Variants in CNOT2 observed in about 807,000 individuals in gnomAD.
The protein encoded by CNOT2 is CCR4-NOT transcription complex subunit 2.
Under a neutral mutation model 72.1 loss-of-function variants are expected in CNOT2, and 7 were observed. The ratio of observed to expected loss-of-function variants is 0.10; its 90% confidence interval spans 0.06 to 0.18. The LOEUF (loss-of-function observed/expected upper bound fraction) is 0.18, where lower values mean the gene tolerates loss of function less well. CNOT2 is among the 10% of genes least tolerant of loss of function. The probability of loss-of-function intolerance (pLI) is 1.00; values close to 1 mark genes in which losing one functional copy is unlikely to be tolerated. For synonymous variants in CNOT2, 196 were observed against 225.6 expected, an observed-to-expected ratio of 0.87 and a Z score of 1.17; for missense variants, 345 against 660.3, an observed-to-expected ratio of 0.52 and a Z score of 5.23.
intron 4 of CNOT2, chr12:70,321,755 A>T (rs1878336161): frequency 6.6e-6 from 1 of 151,506 alleles, no homozygotes; most frequent in Non-Finnish European, 1.5e-5. Context: ...TAGAAGGAAG[A>T]GTGCCCTCTC....
chr12:70,257,092 G>C (rs1382818236), intron 1 of CNOT2, among the ~76,000 whole-genome samples: 1 of 151,746 alleles, frequency 6.6e-6, no homozygotes, highest in Non-Finnish European at 1.5e-5. Context: ...TGAATTGTTT[G>C]TACATTTATT....
intron 4 of CNOT2, among the ~76,000 whole-genome samples, chr12:70,329,137 C>T (rs1490703452): frequency 1.3e-5 from 2 of 151,650 alleles, no homozygotes; most frequent in Non-Finnish European, 2.9e-5. Context: ...AGAGCAATAT[C>T]CATTCATAAT....
intron 2 of CNOT2, among the ~76,000 whole-genome samples, chr12:70,300,244 T>C (rs1226687441): frequency 6.6e-6 from 1 of 152,206 alleles, no homozygotes; most frequent in African/African-American, 2.4e-5. Flanking sequence ...TTTGTCAATT[T>C]TGGCTTTTGT....
intron 1 of CNOT2, among the ~76,000 whole-genome samples, chr12:70,265,264 T>G (rs1179944343): frequency 3.3e-5 from 5 of 150,426 alleles, no homozygotes; most frequent in African/African-American, 1.2e-4. Flanking sequence ...ACCTGGAGTT[T>G]CGTTTTGTTT....
chr12:70,283,930 A>ATTTTTTTTTT, intron 2 of CNOT2, among the ~76,000 whole-genome samples: 1 of 117,432 alleles, frequency 8.5e-6, no homozygotes, highest in Admixed American at 1.0e-4. Context: ...CATGATGTAA[A>ATTTTTTTTTT]TTTTTTTTTT....
intron 2 of CNOT2, among the ~76,000 whole-genome samples, chr12:70,295,163 A>G (rs1872613785): frequency 6.6e-6 from 1 of 152,094 alleles, no homozygotes; most frequent in South Asian, 2.1e-4. Flanking sequence ...ATGTTCATTG[A>G]TTTATAGATT....
chr12:70,316,854 TC>T (rs1877421844), intron 3 of CNOT2, among the ~76,000 whole-genome samples: 2 of 152,166 alleles, frequency 1.3e-5, no homozygotes, highest in African/African-American at 4.8e-5. Flanking sequence ...CCCAGGCATA[TC>T]TGTAACTCAT....
intron 1 of CNOT2, among the ~76,000 whole-genome samples, chr12:70,271,103 TC>T (rs1959205346): frequency 6.6e-6 from 1 of 152,182 alleles, no homozygotes; most frequent in Non-Finnish European, 1.5e-5. Context: ...TCAGATTCTT[TC>T]TGTTTGTTCT....
At chr12:70,251,387 C>A (rs919827776) in intron 1 of CNOT2, among the ~76,000 whole-genome samples, 5 of 152,004 alleles carry the variant, frequency 3.3e-5, no homozygotes, top group African/African-American at 1.2e-4. Flanking sequence ...TGCACAAATC[C>A]TAGGAAAATG....
At chr12:70,250,392 T>G (rs1958084030) in intron 1 of CNOT2, among the ~76,000 whole-genome samples, 1 of 152,116 alleles carries the variant, frequency 6.6e-6, no homozygotes, top group Non-Finnish European at 1.5e-5. Context: ...GCTCTGCTGG[T>G]TATATGTTAG....
chr12:70,299,574 T>G (rs1250444309), intron 2 of CNOT2, among the ~76,000 whole-genome samples: 1 of 152,182 alleles, frequency 6.6e-6, no homozygotes, highest in Admixed American at 6.5e-5. Context: ...TATGACTGCA[T>G]AGTATTCCAT....
intron 3 of CNOT2, among the ~76,000 whole-genome samples, chr12:70,313,547 A>C (rs1250144112): frequency 1.3e-5 from 2 of 152,048 alleles, no homozygotes; most frequent in Non-Finnish European, 2.9e-5. Flanking sequence ...AGGGTTCCAA[A>C]TACTTTTTTT....
chr12:70,305,415 T>G (rs909950244), intron 2 of CNOT2, among the ~76,000 whole-genome samples: 1 of 152,268 alleles, frequency 6.6e-6, no homozygotes, highest in Non-Finnish European at 1.5e-5. Flanking sequence ...CACGTGGGGA[T>G]TATTACAGTT....
At chr12:70,316,598 G>A (rs1261965032) in intron 3 of CNOT2, among the ~76,000 whole-genome samples, 1 of 152,146 alleles carries the variant, frequency 6.6e-6, no homozygotes, top group African/African-American at 2.4e-5. Context: ...TGTGTTGAAG[G>A]TTACAAACTC....
At chr12:70,283,510 A>AGATAGATAGAT (rs1565764908) in intron 2 of CNOT2, among the ~76,000 whole-genome samples, 2 of 80,864 alleles carry the variant, frequency 2.5e-5, no homozygotes, top group Non-Finnish European at 5.4e-5. Flanking sequence ...GATAGATAGA[A>AGATAGATAGAT]TTTTATTAAA....
intron 11 of CNOT2, among the ~76,000 whole-genome samples, chr12:70,341,184 C>A (rs1881459458): frequency 6.6e-6 from 1 of 152,090 alleles, no homozygotes; most frequent in Non-Finnish European, 1.5e-5. Context: ...CCGCGCTTGA[C>A]CAGAAACCCC....
intron 3 of CNOT2, among the ~76,000 whole-genome samples, chr12:70,317,688 A>T (rs559965450): frequency 1.4e-5 from 2 of 139,048 alleles, no homozygotes; most frequent in East Asian, 2.1e-4. Flanking sequence ...AGAGTGGTGT[A>T]TAACTCAGCC....
intron 14 of CNOT2, 124 bp from the exon 15 acceptor site, chr12:70,346,056 G>A: frequency 3.3e-6 from 2 of 613,368 alleles, no homozygotes; most frequent in Non-Finnish European, 5.7e-6. Flanking sequence ...TGAGTAGGAA[G>A]CATTCATATT....
At chr12:70,245,290 A>G (rs1032471646) in intron 1 of CNOT2, among the ~76,000 whole-genome samples, 2 of 152,154 alleles carry the variant, frequency 1.3e-5, no homozygotes, top group Non-Finnish European at 2.9e-5. Flanking sequence ...GTTCCACTCT[A>G]CTCACTTATT....
Sources: allele counts gnomAD v4.1 joint callset (sites outside exome capture counted in the v4.1 genomes callset), GRCh38; gene constraint gnomAD v4.1.1; transcripts MANE v1.5; gene names NCBI Gene and HGNC (gene_info 2026-07-23, HGNC 2026-07-21).